Variants in TACC1 observed in about 807,000 individuals in gnomAD.
The protein encoded by TACC1 is transforming acidic coiled-coil containing protein 1.
A neutral mutation model predicts 84.4 loss-of-function variants in TACC1; 48 were observed. That is an observed-to-expected ratio of 0.57 (90% confidence interval 0.45 to 0.72). TACC1 has a LOEUF of 0.72. Ranked by LOEUF, TACC1 falls within the 30% of genes least tolerant of loss-of-function variation. TACC1 has a pLI of 0.00. For missense variants in TACC1, 920 were observed against 973.0 expected (o/e 0.95, Z 0.72); for synonymous variants, 372 against 376.3 (o/e 0.99, Z 0.13).
At chr8:38,783,567 G>A (rs1436929048), upstream of TACC1, among the ~76,000 whole-genome samples, 1 of 151,818 alleles carries the variant, frequency 6.6e-6, no homozygotes, top group Non-Finnish European at 1.5e-5. Flanking sequence ...AATTACAGGC[G>A]CCTGCCACCA....
At chr8:38,750,981 C>T (rs965965798) in intron 3 of TACC1, among the ~76,000 whole-genome samples, 1 of 152,058 alleles carries the variant, frequency 6.6e-6, no homozygotes, top group Non-Finnish European at 1.5e-5. Flanking sequence ...ATAGCCACAT[C>T]GTTTTGAAAG....
At chr8:38,764,308 C>T (rs1380693025) in intron 3 of TACC1, among the ~76,000 whole-genome samples, 1 of 151,830 alleles carries the variant, frequency 6.6e-6, no homozygotes, top group African/African-American at 2.4e-5. Context: ...GAACTCCTGA[C>T]CTCAGGTGAT....
At chr8:38,805,813 A>G (rs928102702) in intron 2 of TACC1, among the ~76,000 whole-genome samples, 18 of 152,240 alleles carry the variant, frequency 1.2e-4, no homozygotes, top group Non-Finnish European at 2.1e-4. Context: ...GATCTTTATT[A>G]GAATTTCTTA....
intron 3 of TACC1, among the ~76,000 whole-genome samples, chr8:38,773,667 T>A (rs1814181575): frequency 6.6e-6 from 1 of 152,060 alleles, no homozygotes; most frequent in Non-Finnish European, 1.5e-5. Context: ...CTTGTGTATA[T>A]GTAAGAGAGA....
chr8:38,729,501 T>C (rs1563732000), intron 1 of TACC1, among the ~76,000 whole-genome samples: 1 of 152,208 alleles, frequency 6.6e-6, no homozygotes, highest in Non-Finnish European at 1.5e-5. Flanking sequence ...GGCTTCTGCA[T>C]AAGGAGTACT....
intron 2 of TACC1, among the ~76,000 whole-genome samples, chr8:38,812,289 C>T (rs1048763878): frequency 2.6e-5 from 4 of 152,120 alleles, no homozygotes; most frequent in African/African-American, 7.2e-5. Flanking sequence ...TTGTGACCTA[C>T]TCCCTGTTCG....
intron 2 of TACC1, among the ~76,000 whole-genome samples, chr8:38,800,081 A>C (rs1820999468): frequency 6.6e-6 from 1 of 152,144 alleles, no homozygotes; most frequent in Non-Finnish European, 1.5e-5. Flanking sequence ...GGATCACTTG[A>C]GCTTGGGAGG....
chr8:38,785,704 C>G (rs1190727309), upstream of TACC1: 2 of 985,248 alleles, frequency 2.0e-6, no homozygotes, highest in East Asian at 2.3e-4. Flanking sequence ...AATCCAGGAG[C>G]CTGGGGGACT....
chr8:38,820,134 C>G lies in TACC1; in HGVS notation c.890C>G (p.Thr297Ser). Residue 297 changes from threonine to serine, a missense_variant, in exon 3 of 13, where the codon ACT (threonine) becomes AGT (serine). Transcript: ENST00000317827. Reference sequence around the variant, plus strand: ...CCTGACCTTAAAGAAACTCCCGGCACTCTCAGTAGTGACACCAACGACTCA... The same window carrying G: ...CCTGACCTTAAAGAAACTCCCGGCAGTCTCAGTAGTGACACCAACGACTCA... ...SPPDLKETPG[T>S]LSSDTNDSGV... 6.2e-7 allele frequency: 1 copy of G among 1,614,130 alleles called. No homozygotes were observed. The highest frequency in any genetic ancestry group is 8.5e-7 in the Non-Finnish European group (1 of 1,180,022).
chr8:38,766,746 T>C (rs951931357), intron 3 of TACC1, among the ~76,000 whole-genome samples: 1 of 152,186 alleles, frequency 6.6e-6, no homozygotes, highest in African/African-American at 2.4e-5. Context: ...ATCTGCATTT[T>C]ACAGATGAAG....
At chr8:38,745,732 C>G (rs1807963175) in intron 3 of TACC1, among the ~76,000 whole-genome samples, 1 of 152,086 alleles carries the variant, frequency 6.6e-6, no homozygotes, top group Non-Finnish European at 1.5e-5. Flanking sequence ...TTAGTAGAGA[C>G]AGGGTTTCAC....
At chr8:38,814,599 T>G (rs1163115959) in intron 2 of TACC1, among the ~76,000 whole-genome samples, 1 of 152,190 alleles carries the variant, frequency 6.6e-6, no homozygotes, top group Non-Finnish European at 1.5e-5. Flanking sequence ...GATCACACAG[T>G]GACCCGCACA....
chr8:38,843,693 A>G lies in TACC1; in HGVS notation c.2228+298A>G, dbSNP rs906623375. On this transcript the variant is annotated intron_variant, in intron 11 of 12. Transcript: ENST00000317827. ...TTATATGATTATAGCATACTTCGCT[A>G]TTTTTGCTTAGCAATATAATTTTGA... The G allele has an allele frequency of 1.9e-4, 34 of 178,604 alleles. 1 individual carries two copies. Among genetic ancestry groups the G allele is most frequent in the African/African-American group, 7.1e-4 (30 of 42,524 alleles). 11.1% of individuals were successfully genotyped at this position (178,604 alleles called of 1,614,324 possible).
At chr8:38,740,396 C>G (rs186325602) in intron 1 of TACC1, among the ~76,000 whole-genome samples, 1 of 152,206 alleles carries the variant, frequency 6.6e-6, no homozygotes, top group African/African-American at 2.4e-5. Context: ...CCCCAGGGAC[C>G]ATTCCTGGAG....
chr8:38,787,218 C>T, upstream of TACC1: 1 of 995,958 alleles, frequency 1.0e-6, no homozygotes. Context: ...GATGCGCGCC[C>T]CGCCGGCCGG....
chr8:38,788,020 C>G (rs1817697038), intron 1 of TACC1: 7 of 462,442 alleles, frequency 1.5e-5, no homozygotes, highest in Non-Finnish European at 2.3e-5. Context: ...TTTCTCTAAG[C>G]TTCGACCCCC....
At chr8:38,813,088 C>T (rs1295629746) in intron 2 of TACC1, among the ~76,000 whole-genome samples, 1 of 152,168 alleles carries the variant, frequency 6.6e-6, no homozygotes, top group Admixed American at 6.5e-5. Flanking sequence ...TTTCCCTTTA[C>T]CTCAAACGCC....
In TACC1 at chr8:38,787,254, C is replaced by T. The variant is rs891127284; in HGVS notation, c.-329C>T. ...GAGGCGGGAGTCCGCGAGCCGGGAG[C>T]GGGAGCAGCAGAGGTCTAGCAGCCG... is the stretch of plus-strand genomic sequence containing the variant. On this transcript the variant is annotated 5_prime_UTR_variant, in exon 1 of 13. Coordinates refer to ENST00000317827, the MANE Select transcript of TACC1 (RefSeq NM_006283.3). The T allele has an allele frequency of 9.7e-6, 10 of 1,033,102 alleles. No individual in the cohort carries two copies. Among genetic ancestry groups the T allele is most frequent in the Non-Finnish European group, 1.2e-5 (10 of 861,668 alleles). The allele number at this position is 1,033,102 out of a possible 1,614,324, so 64.0% of individuals were successfully genotyped here.
intron 2 of TACC1, among the ~76,000 whole-genome samples, chr8:38,798,590 T>C (rs926425018): frequency 1.3e-5 from 2 of 148,186 alleles, no homozygotes; most frequent in South Asian, 2.2e-4. Flanking sequence ...ACAGGTAGTT[T>C]GTTGTCTGGG....
Sources: allele counts gnomAD v4.1 joint callset (sites outside exome capture counted in the v4.1 genomes callset), GRCh38; gene constraint gnomAD v4.1.1; transcripts MANE v1.5; gene names NCBI Gene and HGNC (gene_info 2026-07-23, HGNC 2026-07-21).